Variants in ANO2 observed in about 807,000 individuals in gnomAD.
The protein encoded by ANO2 is anoctamin-2.
In ANO2, 101 loss-of-function variants were observed where a neutral mutation model predicts 124.2. The ratio of observed to expected loss-of-function variants is 0.81; its 90% CI spans 0.69 to 0.96. The LOEUF is 0.96. ANO2 is among the 40% of genes least tolerant of loss of function. ANO2 has a pLI of 0.00. For synonymous variants in ANO2, 486 were observed against 482.5 expected, an observed-to-expected ratio of 1.01 and a Z score of -0.09; for missense variants, 1,293 against 1,274.5, an observed-to-expected ratio of 1.01 and a Z score of -0.22.
chr12:5,858,636 A>T (rs900011476), intron 3 of ANO2: 10 of 152,230 alleles, frequency 6.6e-5, no homozygotes, highest in African/African-American at 2.2e-4. Flanking sequence ...AAGGAGGATG[A>T]GAAATGTTGC....
At chr12:5,945,355 T>C (rs1227953701), upstream of ANO2, 6 of 871,936 alleles carry the variant, frequency 6.9e-6, no homozygotes, top group East Asian at 2.4e-4. Context: ...TCCTCCCCCA[T>C]CCCTCCCGGC....
intron 10 of ANO2, among the ~76,000 whole-genome samples, chr12:5,781,836 T>C (rs1187668983): frequency 6.6e-6 from 1 of 152,224 alleles, no homozygotes; most frequent in African/African-American, 2.4e-5. Flanking sequence ...TGATCTCAAT[T>C]CTTTAAAATC....
intron 14 of ANO2, among the ~76,000 whole-genome samples, chr12:5,691,555 G>A (rs1363426628): frequency 4.6e-5 from 7 of 151,956 alleles, no homozygotes; most frequent in Admixed American, 4.6e-4. Context: ...AGAAGGAAGA[G>A]CCACTCAAAG....
chr12:5,607,166 C>G (rs1207634206), intron 19 of ANO2, among the ~76,000 whole-genome samples: 1 of 151,914 alleles, frequency 6.6e-6, no homozygotes, highest in Non-Finnish European at 1.5e-5. Flanking sequence ...GTACTGCCCA[C>G]TAAAAGCCAC....
Position 5,832,559 on chromosome 12 carries a change from G to A in ANO2, c.678C>T (p.Ser226=), listed in dbSNP as rs746382905. 9 of 1,613,754 alleles carry A rather than the reference G, an allele frequency of 5.6e-6. No individual in the cohort carries two copies. Among genetic ancestry groups the A allele is most frequent in the South Asian group, 3.3e-5 (3 of 91,080 alleles). ...GCGAGCTCAGCTTCTGCAGAGCCGC[G>A]CTGAACTTCTTTGCAATGCTGCCTC... is the stretch of plus-strand genomic sequence containing the variant. ...KAGGSIAKKF[S]AALQKLSSHL... is the part of the protein sequence containing the mutation. The change falls in exon 5 of 25, where the codon AGC becomes AGT. Residue 226 remains serine, a synonymous_variant. Coordinates refer to ENST00000682330, the MANE Select transcript of ANO2 (RefSeq NM_001364791.2).
chr12:5,944,989 CAAAAAACAAAAA>C (rs1465923125), intron 1 of ANO2, among the ~76,000 whole-genome samples, 195 bp downstream of exon 1: 2 of 151,168 alleles, frequency 1.3e-5, no homozygotes, highest in Non-Finnish European at 2.9e-5. Flanking sequence ...CAAAACAAAA[CAAAAAACAAAAA>C]ACGTCTCGGA....
At chr12:5,941,770 T>C (rs139151840) in intron 1 of ANO2, among the ~76,000 whole-genome samples, 2 of 152,034 alleles carry the variant, frequency 1.3e-5, no homozygotes, top group Non-Finnish European at 2.9e-5. Context: ...AAAGAGATTA[T>C]ACATTAATAA....
chr12:5,901,651 T>C (rs1199281689), intron 3 of ANO2, among the ~76,000 whole-genome samples: 2 of 152,074 alleles, frequency 1.3e-5, no homozygotes, highest in Non-Finnish European at 2.9e-5. Context: ...TCGGTAGGTG[T>C]TGCAGGAGAC....
At chr12:5,716,319 A>C (rs1406842828) in intron 14 of ANO2, among the ~76,000 whole-genome samples, 3 of 151,998 alleles carry the variant, frequency 2.0e-5, no homozygotes, top group Admixed American at 2.0e-4. Flanking sequence ...CCTTCCTCAC[A>C]CTCAAGCACT....
intron 3 of ANO2, among the ~76,000 whole-genome samples, chr12:5,906,183 C>T (rs1940669069): frequency 6.6e-6 from 1 of 152,012 alleles, no homozygotes; most frequent in Admixed American, 6.5e-5. Context: ...GAGAAGGCAC[C>T]AAGGGCTTCC....
At chr12:5,861,003 C>T (rs901980388) in intron 3 of ANO2, among the ~76,000 whole-genome samples, 4 of 152,300 alleles carry the variant, frequency 2.6e-5, no homozygotes, top group South Asian at 2.1e-4. Flanking sequence ...TGCTAGTCAA[C>T]ACCCCATGCT....
intron 20 of ANO2, among the ~76,000 whole-genome samples, chr12:5,586,799 G>A (rs1374746695): frequency 6.6e-6 from 1 of 152,140 alleles, no homozygotes; most frequent in Non-Finnish European, 1.5e-5. Flanking sequence ...CGGGACTCTG[G>A]AGTATTTGCT....
chr12:5,709,061 T>C (rs1012721102), intron 14 of ANO2, among the ~76,000 whole-genome samples: 1 of 152,236 alleles, frequency 6.6e-6, no homozygotes, highest in East Asian at 1.9e-4. Flanking sequence ...CAATAAGCAC[T>C]TTTTAAATAC....
chr12:5,747,013 G>A (rs868753350), intron 11 of ANO2, among the ~76,000 whole-genome samples: 6 of 152,132 alleles, frequency 3.9e-5, no homozygotes, highest in Admixed American at 6.5e-5. Flanking sequence ...ACATATCAAA[G>A]TTAAATTACT....
chr12:5,777,827 T>C (rs1326039428), intron 10 of ANO2, among the ~76,000 whole-genome samples: 2 of 152,156 alleles, frequency 1.3e-5, no homozygotes, highest in African/African-American at 4.8e-5. Context: ...GAAAAGCGAC[T>C]GCAAGGAGGT....
chr12:5,725,961 C>A lies in ANO2; in HGVS notation c.1545+6559G>T, dbSNP rs146904621. On this transcript the variant is annotated intron_variant, in intron 14 of 24. Coordinates refer to ENST00000682330, the MANE Select transcript of ANO2 (RefSeq NM_001364791.2). ...AGTGAATGGTTACAGGGATGAGAGG[C>A]AAAGAACAGCACTGCTCCTCAACCT... Among the ~76,000 whole-genome samples, 445 of 152,160 alleles carry A rather than the reference C, an allele frequency of 2.9e-3. 2 individuals are homozygous for A. Among genetic ancestry groups the A allele is most frequent in the African/African-American group, 0.01 (424 of 41,508 alleles).
At chr12:5,597,731 C>T (rs550172388) in intron 20 of ANO2, among the ~76,000 whole-genome samples, 19 of 152,272 alleles carry the variant, frequency 1.2e-4, no homozygotes, top group African/African-American at 4.3e-4. Flanking sequence ...CTAATGTAGG[C>T]CCTTCCCCAA....
chr12:5,667,046 C>T (rs927946955), intron 14 of ANO2, among the ~76,000 whole-genome samples: 14 of 152,224 alleles, frequency 9.2e-5, no homozygotes, highest in African/African-American at 3.1e-4. Context: ...TGTCACATGC[C>T]GATGCTGAGA....
intron 3 of ANO2, among the ~76,000 whole-genome samples, chr12:5,884,775 A>T (rs994592955): frequency 6.6e-6 from 1 of 152,206 alleles, no homozygotes; most frequent in African/African-American, 2.4e-5. Context: ...AATGGACCAA[A>T]CAAAAGTAAA....
Sources: allele counts gnomAD v4.1 joint callset (sites outside exome capture counted in the v4.1 genomes callset), GRCh38; gene constraint gnomAD v4.1.1; transcripts MANE v1.5; gene names NCBI Gene and HGNC (gene_info 2026-07-23, HGNC 2026-07-21).